Variants in NXPE2 observed in about 807,000 individuals in gnomAD.
NXPE2 encodes NXPE family member 2.
In NXPE2, 34 loss-of-function variants were observed where a neutral mutation model predicts 34.4. That is an observed-to-expected ratio of 0.99 (90% CI 0.75 to 1.31). The LOEUF (loss-of-function observed/expected upper bound fraction) is 1.31, where lower values mean the gene tolerates loss of function less well. NXPE2 is among the 40% of genes most tolerant of loss of function. The probability of loss-of-function intolerance (pLI) is 0.00; values close to 1 mark genes in which losing one functional copy is unlikely to be tolerated. For missense variants in NXPE2, 649 were observed against 672.5 expected, an observed-to-expected ratio of 0.97 and a Z score of 0.39; for synonymous variants, 235 against 231.3, an observed-to-expected ratio of 1.02 and a Z score of -0.15.
chr11:114,787,270 C>T, the NXPE2 span, among the ~76,000 whole-genome samples: 1 of 152,332 alleles, frequency 6.6e-6, no homozygotes, highest in Admixed American at 6.5e-5. Context: ...CCCTCCCAAG[C>T]TCATGCAGGC....
the NXPE2 span, among the ~76,000 whole-genome samples, chr11:114,483,239 C>T: frequency 6.6e-6 from 1 of 152,176 alleles, no homozygotes; most frequent in Non-Finnish European, 1.5e-5. Context: ...TAAACCCCAG[C>T]TCTGCCACTC....
At chr11:114,696,284 A>G (rs1951250766) in intron 2 of NXPE2, among the ~76,000 whole-genome samples, 1 of 143,134 alleles carries the variant, frequency 7.0e-6, no homozygotes, top group Non-Finnish European at 1.5e-5. Context: ...GTGAGCTGTG[A>G]TTGTGCCACT....
chr11:114,754,445 G>T, the NXPE2 span, among the ~76,000 whole-genome samples: 1 of 152,314 alleles, frequency 6.6e-6, no homozygotes, highest in Non-Finnish European at 1.5e-5. Context: ...GGCTAAATGA[G>T]CCCTAGACAT....
the NXPE2 span, among the ~76,000 whole-genome samples, chr11:114,620,522 A>AC: frequency 2.8e-5 from 4 of 142,550 alleles, no homozygotes; most frequent in African/African-American, 1.0e-4. Flanking sequence ...TAACCACTTT[A>AC]AGGCGGTAGA....
the NXPE2 span, among the ~76,000 whole-genome samples, chr11:114,633,612 C>G: frequency 6.6e-6 from 1 of 150,406 alleles, no homozygotes; most frequent in Admixed American, 6.7e-5. Flanking sequence ...ATCCCTCCCA[C>G]CCTGCCCCCA....
the NXPE2 span, among the ~76,000 whole-genome samples, chr11:114,594,347 C>G: frequency 1.1e-3 from 162 of 152,094 alleles, 4 homozygotes; most frequent in Middle Eastern, 0.01. Context: ...TAAAAACAAA[C>G]AAATGAAAAC....
At chr11:114,626,811 C>T in the NXPE2 span, among the ~76,000 whole-genome samples, 2 of 152,006 alleles carry the variant, frequency 1.3e-5, no homozygotes, top group East Asian at 1.9e-4. Flanking sequence ...AACCAATACA[C>T]AGAAGTGCTT....
chr11:114,647,805 G>T, the NXPE2 span, among the ~76,000 whole-genome samples: 1 of 151,728 alleles, frequency 6.6e-6, no homozygotes, highest in Non-Finnish European at 1.5e-5. Context: ...GGGTTTAAGC[G>T]ATTCTCCTGC....
chr11:114,662,808 C>T, the NXPE2 span, among the ~76,000 whole-genome samples: 2 of 152,096 alleles, frequency 1.3e-5, no homozygotes, highest in South Asian at 4.1e-4. Flanking sequence ...CAGAAGGGAA[C>T]CTGCTGCCTC....
the NXPE2 span, among the ~76,000 whole-genome samples, chr11:114,803,277 A>T: frequency 6.6e-6 from 1 of 152,188 alleles, no homozygotes; most frequent in Non-Finnish European, 1.5e-5. Flanking sequence ...AAAACTGACA[A>T]CCCGAACTTA....
the NXPE2 span, among the ~76,000 whole-genome samples, chr11:114,617,507 C>T: frequency 1.3e-4 from 19 of 151,802 alleles, no homozygotes; most frequent in South Asian, 2.1e-4. Flanking sequence ...CACTGTTAAC[C>T]GGTGGATAAT....
chr11:114,581,177 G>A, the NXPE2 span, among the ~76,000 whole-genome samples: 653 of 152,208 alleles, frequency 4.3e-3, 9 homozygotes, highest in Non-Finnish European at 5.9e-3. Flanking sequence ...GCCTTGAGTC[G>A]TTTTAGATAA....
chr11:114,492,306 C>T, the NXPE2 span, among the ~76,000 whole-genome samples: 1 of 151,138 alleles, frequency 6.6e-6, no homozygotes, highest in Admixed American at 6.6e-5. Context: ...TCCAAAAATC[C>T]CTCTTGTTAT....
At chr11:114,665,308 AT>A in the NXPE2 span, among the ~76,000 whole-genome samples, 1 of 152,108 alleles carries the variant, frequency 6.6e-6, no homozygotes, top group African/African-American at 2.4e-5. Flanking sequence ...AATCTCTCTA[AT>A]TAGAATGTCG....
the NXPE2 span, among the ~76,000 whole-genome samples, chr11:114,514,727 T>C: frequency 6.6e-6 from 1 of 152,108 alleles, no homozygotes; most frequent in Non-Finnish European, 1.5e-5. Context: ...TATATATATA[T>C]TTACATAAAA....
chr11:114,679,262 G>A (rs1173485956), intron 1 of NXPE2, among the ~76,000 whole-genome samples: 1 of 134,766 alleles, frequency 7.4e-6, no homozygotes, highest in Non-Finnish European at 1.6e-5. Flanking sequence ...GTGTGTGTGT[G>A]TGTATCAGAG....
chr11:114,674,114 C>A (rs1181781871), upstream of NXPE2, among the ~76,000 whole-genome samples: 1 of 106,814 alleles, frequency 9.4e-6, no homozygotes, highest in Non-Finnish European at 2.1e-5. Context: ...AACAAACAAA[C>A]AAACAAACAA....
the NXPE2 span, among the ~76,000 whole-genome samples, chr11:114,801,743 A>C: frequency 6.6e-6 from 1 of 152,124 alleles, no homozygotes; most frequent in South Asian, 2.1e-4. Flanking sequence ...GATAGATTGG[A>C]TGTTGGAGGT....
At chr11:114,754,456 C>A in the NXPE2 span, among the ~76,000 whole-genome samples, 135 of 152,344 alleles carry the variant, frequency 8.9e-4, no homozygotes, top group African/African-American at 2.9e-3. Context: ...CCCTAGACAT[C>A]TGCTCGCTTG....
Sources: allele counts gnomAD v4.1 joint callset (sites outside exome capture counted in the v4.1 genomes callset), GRCh38; gene constraint gnomAD v4.1.1; transcripts MANE v1.5; gene names NCBI Gene and HGNC (gene_info 2026-07-23, HGNC 2026-07-21).